SGCZ: variants seen among roughly 807,000 people sequenced by gnomAD.
The protein encoded by SGCZ is zeta-sarcoglycan.
A neutral mutation model predicts 41.3 loss-of-function variants in SGCZ; 40 were observed. That is an observed-to-expected ratio of 0.97 (90% CI 0.75 to 1.26). SGCZ has a LOEUF of 1.26. Ranked by LOEUF, SGCZ falls within the 50% of genes most tolerant of loss-of-function variation. SGCZ has a pLI of 0.00. For missense variants in SGCZ, 552 were observed against 369.8 expected (o/e 1.49, Z -4.04); for synonymous variants, 206 against 137.5 (o/e 1.50, Z -3.49).
chr8:14,622,489 T>C (rs1806318559), intron 1 of SGCZ, among the ~76,000 whole-genome samples: 1 of 152,192 alleles, frequency 6.6e-6, no homozygotes, highest in East Asian at 1.9e-4. Flanking sequence ...TTAATTAGAC[T>C]ACACAAAATT....
intron 1 of SGCZ, among the ~76,000 whole-genome samples, chr8:14,911,862 G>C (rs1030303433): frequency 6.6e-6 from 1 of 151,734 alleles, no homozygotes; most frequent in East Asian, 1.9e-4. Flanking sequence ...ATAAAGCCTT[G>C]AAAGTCTAAA....
chr8:15,068,294 T>C (rs1281297931), intron 1 of SGCZ, among the ~76,000 whole-genome samples: 1 of 152,218 alleles, frequency 6.6e-6, no homozygotes, highest in Non-Finnish European at 1.5e-5. Flanking sequence ...TTTATGATCA[T>C]CACCCTGCTT....
intron 1 of SGCZ, among the ~76,000 whole-genome samples, chr8:15,132,648 T>A (rs1807954323): frequency 6.6e-6 from 1 of 152,288 alleles, no homozygotes; most frequent in East Asian, 1.9e-4. Flanking sequence ...CTCTAAAAAA[T>A]TTAACGAGTT....
At chr8:14,811,147 C>T (rs892528383) in intron 1 of SGCZ, among the ~76,000 whole-genome samples, 3 of 151,958 alleles carry the variant, frequency 2.0e-5, no homozygotes, top group Admixed American at 6.6e-5. Context: ...GCAATCCAAT[C>T]TTAATAGAAT....
intron 3 of SGCZ, among the ~76,000 whole-genome samples, chr8:14,290,664 G>C (rs964855787): frequency 1.3e-5 from 2 of 152,142 alleles, no homozygotes; most frequent in East Asian, 1.9e-4. Context: ...TGAGTGGCTA[G>C]TATATAAAAA....
chr8:14,329,002 C>T (rs1225700720), intron 2 of SGCZ, among the ~76,000 whole-genome samples: 1 of 152,174 alleles, frequency 6.6e-6, no homozygotes, highest in Non-Finnish European at 1.5e-5. Flanking sequence ...ACAACACAAC[C>T]TGCTAGTGCC....
chr8:14,493,370 T>TTTTTTTTTTTTTTTTTTTTTTTTTTTG (rs1801901337), intron 2 of SGCZ, among the ~76,000 whole-genome samples: 1 of 117,748 alleles, frequency 8.5e-6, no homozygotes, highest in Non-Finnish European at 1.8e-5. Flanking sequence ...TTTTTTTTTT[T>TTTTTTTTTTTTTTTTTTTTTTTTTTTG]TTTTTTTTTT....
chr8:14,100,830 G>C (rs1446496432), intron 7 of SGCZ, among the ~76,000 whole-genome samples: 3 of 151,696 alleles, frequency 2.0e-5, no homozygotes, highest in Non-Finnish European at 4.4e-5. Context: ...TATCTGAAGA[G>C]GACTGAAATA....
chr8:14,847,931 C>T (rs1803191067), intron 1 of SGCZ, among the ~76,000 whole-genome samples: 1 of 151,780 alleles, frequency 6.6e-6, no homozygotes, highest in Admixed American at 6.6e-5. Context: ...CAGAAGGCAT[C>T]CAGATTGGAA....
chr8:15,211,367 G>A (rs1357684441), intron 1 of SGCZ, among the ~76,000 whole-genome samples: 1 of 151,156 alleles, frequency 6.6e-6, no homozygotes, highest in African/African-American at 2.4e-5. Flanking sequence ...TTCCCAATGT[G>A]CTTTCTGTGT....
chr8:14,302,590 C>G (rs902484181), intron 3 of SGCZ, among the ~76,000 whole-genome samples: 2 of 152,088 alleles, frequency 1.3e-5, no homozygotes, highest in African/African-American at 4.8e-5. Context: ...GACTCTGTCC[C>G]CATGTGGCTG....
At chr8:14,758,911 G>A (rs1413841842) in intron 1 of SGCZ, among the ~76,000 whole-genome samples, 1 of 151,696 alleles carries the variant, frequency 6.6e-6, no homozygotes, top group African/African-American at 2.4e-5. Flanking sequence ...GGGAGGCTGA[G>A]GCAGGAGAAT....
chr8:14,833,986 A>G (rs1802614878), intron 1 of SGCZ, among the ~76,000 whole-genome samples: 1 of 152,208 alleles, frequency 6.6e-6, no homozygotes, highest in South Asian at 2.1e-4. Context: ...AAATGACTAC[A>G]GCCTTAGTCA....
At chr8:14,221,854 G>A (rs1301241825) in intron 4 of SGCZ, among the ~76,000 whole-genome samples, 2 of 151,898 alleles carry the variant, frequency 1.3e-5, no homozygotes, top group African/African-American at 2.4e-5. Context: ...CTGTAATCTC[G>A]GGAGACTGAG....
At position 14,589,730 on chromosome 8, in the gene SGCZ, C is replaced by G. The variant is rs73535262; in HGVS notation, c.40-34804G>C. Among the ~76,000 whole-genome samples, 1,274 of 152,188 alleles carry G rather than the reference C, an allele frequency of 8.4e-3. 13 individuals carry two copies. Among genetic ancestry groups the G allele is most frequent in the African/African-American group, 0.029 (1,214 of 41,534 alleles). On this transcript the variant is annotated intron_variant, in intron 1 of 7. Coordinates refer to ENST00000382080, the MANE Select transcript of SGCZ (RefSeq NM_139167.4). The stretch of plus-strand genomic sequence containing the variant: ...CCCTGTAAATATTCTTAAGAAATTA[C>G]AGTAAAAGAAAAACACACAGCACAA...
At chr8:14,831,810 A>ATGTGTACACATACATGTATATG (rs1554508441) in intron 1 of SGCZ, among the ~76,000 whole-genome samples, 3 of 133,486 alleles carry the variant, frequency 2.2e-5, no homozygotes, top group East Asian at 1.9e-4. Context: ...ACATGTATAT[A>ATGTGTACACATACATGTATATG]TGTGTGCACA....
chr8:14,262,623 G>A (rs144948598), intron 3 of SGCZ, among the ~76,000 whole-genome samples: 155 of 151,186 alleles, frequency 1.0e-3, no homozygotes, highest in Non-Finnish European at 1.7e-3. Context: ...ACATTGTAGC[G>A]CTCAAAATAT....
At chr8:15,053,001 A>G (rs189589307) in intron 1 of SGCZ, among the ~76,000 whole-genome samples, 69 of 152,248 alleles carry the variant, frequency 4.5e-4, no homozygotes, top group Non-Finnish European at 8.5e-4. Flanking sequence ...CCAACAGCAA[A>G]AACCTAAGGA....
intron 1 of SGCZ, among the ~76,000 whole-genome samples, chr8:14,584,267 C>T (rs113803703): frequency 8.2e-4 from 125 of 152,050 alleles, no homozygotes; most frequent in Non-Finnish European, 1.4e-3. Flanking sequence ...ATTTACAAGG[C>T]GCAGAAAGCA....
Sources: gnomAD v4.1 joint callset for allele counts (sites outside exome capture counted in the v4.1 genomes callset) on GRCh38, gnomAD v4.1.1 for gene constraint, MANE v1.5 for transcripts, NCBI Gene and HGNC (gene_info 2026-07-23, HGNC 2026-07-21) for gene names.